Variants in GOSR1 observed in about 807,000 individuals in gnomAD.
The protein encoded by GOSR1 is 28 kDa Golgi SNARE protein.
In GOSR1, 21 loss-of-function variants were observed where a neutral mutation model predicts 35.5. The ratio of observed to expected loss-of-function variants is 0.59; its 90% CI spans 0.42 to 0.85. GOSR1 has a LOEUF of 0.85. GOSR1 is among the 40% of genes least tolerant of loss of function. The pLI, the probability that GOSR1 is intolerant of heterozygous loss-of-function variation, is 0.00. For missense variants in GOSR1, 285 were observed against 309.6 expected (o/e 0.92, Z 0.60); for synonymous variants, 94 against 106.6 (o/e 0.88, Z 0.73).
In GOSR1 at chr17:30,481,232, A is replaced by T. The variant is rs765692418; in HGVS notation, c.121A>T (p.Ser41Cys). ...ACTATGTACAAGTTACAGTCATAGCAGTACCCGAGATGGAAGACGCGACAG... is the reference window on the plus strand; with the variant it reads ...ACTATGTACAAGTTACAGTCATAGCTGTACCCGAGATGGAAGACGCGACAG... The part of the protein sequence containing the change: ...SKLCTSYSHS[S>C]TRDGRRDSSD... Residue 41 changes from serine to cysteine, a missense_variant, in exon 2 of 9, where the codon AGT becomes TGT. Transcript: ENST00000451249. The T allele has an allele frequency of 6.2e-7, 1 of 1,606,742 alleles. No individual in the cohort carries two copies. The highest frequency in any genetic ancestry group is 1.1e-5 in the South Asian group (1 of 90,932).
At chr17:30,480,955 G>A (rs376987628) in intron 1 of GOSR1, 188 bp from the exon 2 acceptor site, 119 of 441,590 alleles carry the variant, frequency 2.7e-4, no homozygotes, top group East Asian at 2.2e-3. Context: ...CAGGTGATCC[G>A]CCCACCTTGG....
intron 6 of GOSR1, among the ~76,000 whole-genome samples, chr17:30,510,363 C>T (rs796406039): frequency 6.6e-6 from 1 of 152,194 alleles, no homozygotes; most frequent in South Asian, 2.1e-4. Context: ...CGTGAGCCAC[C>T]GTGCCTGGTC....
chr17:30,482,638 A>T (rs1010514085), intron 2 of GOSR1, among the ~76,000 whole-genome samples: 3 of 152,162 alleles, frequency 2.0e-5, no homozygotes, highest in African/African-American at 7.2e-5. Flanking sequence ...ACCCTACTAT[A>T]GTGTATACAT....
rs1968147611 is a variant in GOSR1, at chr17:30,524,398, T to C, written c.*2020T>C. 6.6e-6 allele frequency: 1 copy of C among 152,210 alleles called. No homozygotes were observed. The highest frequency in any genetic ancestry group is 1.5e-5 in the Non-Finnish European group (1 of 68,048). 9.4% of individuals were successfully genotyped at this position (152,210 alleles called of 1,614,324 possible). On this transcript the variant is annotated 3_prime_UTR_variant, in exon 9 of 9. Transcript: ENST00000451249. ...AGATGCTGATGGACCAGCTTCAGCA[T>C]GTTTGAGGTTGTCTGAAATGGAGAT... is the stretch of plus-strand genomic sequence containing the variant.
At chr17:30,517,942 T>C (rs1967883257) in intron 7 of GOSR1, among the ~76,000 whole-genome samples, 1 of 152,198 alleles carries the variant, frequency 6.6e-6, no homozygotes, top group African/African-American at 2.4e-5. Flanking sequence ...GATCCAGCTA[T>C]GAGAGCCTCT....
intron 6 of GOSR1, among the ~76,000 whole-genome samples, chr17:30,494,690 C>G (rs1277926787): frequency 2.0e-5 from 3 of 151,636 alleles, no homozygotes; most frequent in Non-Finnish European, 4.4e-5. Context: ...TCACTGTGCC[C>G]TCTGCCTCCT....
chr17:30,495,943 G>C (rs1966982718), intron 6 of GOSR1, among the ~76,000 whole-genome samples: 1 of 152,112 alleles, frequency 6.6e-6, no homozygotes, highest in Non-Finnish European at 1.5e-5. Context: ...CCTTTTGCTT[G>C]CCTAGCCCTG....
chr17:30,482,757 A>G (rs1035093507), intron 2 of GOSR1: 9 of 152,224 alleles, frequency 5.9e-5, no homozygotes, highest in African/African-American at 2.2e-4. Context: ...GGATCTAAAA[A>G]TAAATTACTA....
chr17:30,492,768 T>G lies in GOSR1; in HGVS notation c.509+15T>G. The G allele has an allele frequency of 7.1e-7, 1 of 1,400,982 alleles. No homozygotes were observed. Among genetic ancestry groups the G allele is most frequent in the Non-Finnish European group, 1.0e-6 (1 of 987,152 alleles). The allele number at this position is 1,400,982 out of a possible 1,614,324, so 86.8% of individuals were successfully genotyped here. A position where few individuals can be genotyped will look rare whatever the true frequency, so the allele number is the denominator to read the frequency against. On this transcript the variant is annotated intron_variant, in intron 6 of 8. Coordinates refer to ENST00000451249, the MANE Select transcript of GOSR1 (RefSeq NM_001007025.2). ...CACCTTCGAAAGTAGGTATTGAATGTATGTGCATTATGTGGTTTTCCACGT... is the reference window on the plus strand; with the variant it reads ...CACCTTCGAAAGTAGGTATTGAATGGATGTGCATTATGTGGTTTTCCACGT...
intron 4 of GOSR1, among the ~76,000 whole-genome samples, chr17:30,487,760 T>A (rs919367988): frequency 6.6e-5 from 10 of 152,108 alleles, no homozygotes; most frequent in Non-Finnish European, 1.5e-4. Context: ...GATTCTTTGA[T>A]CCAGTTATTC....
At chr17:30,505,432 C>G (rs1567910210) in intron 6 of GOSR1, among the ~76,000 whole-genome samples, 1 of 152,108 alleles carries the variant, frequency 6.6e-6, no homozygotes, top group Non-Finnish European at 1.5e-5. Context: ...AAAGAAATCT[C>G]ATGTACAGGC....
At chr17:30,481,908 T>G (rs901588465) in intron 2 of GOSR1, among the ~76,000 whole-genome samples, 19 of 152,028 alleles carry the variant, frequency 1.2e-4, no homozygotes, top group Admixed American at 1.2e-3. Context: ...GGCGGATGGA[T>G]CACTTGAGCC....
intron 1 of GOSR1, chr17:30,479,886 G>A (rs1208109594): frequency 1.3e-5 from 2 of 152,194 alleles, no homozygotes; most frequent in African/African-American, 4.8e-5. Flanking sequence ...GGAGGCCCAG[G>A]CAGGAGGGTC....
At chr17:30,517,818 C>T (rs1597799403) in intron 7 of GOSR1, among the ~76,000 whole-genome samples, 1 of 152,126 alleles carries the variant, frequency 6.6e-6, no homozygotes, top group African/African-American at 2.4e-5. Context: ...AGTTTTGATT[C>T]ATGTGTCATT....
intron 7 of GOSR1, among the ~76,000 whole-genome samples, chr17:30,516,306 T>C (rs1475933120): frequency 6.6e-6 from 1 of 151,806 alleles, no homozygotes; most frequent in South Asian, 2.1e-4. Flanking sequence ...CCGTCTCTAC[T>C]AAAAATACAA....
At chr17:30,502,531 A>G (rs564363636) in intron 6 of GOSR1, among the ~76,000 whole-genome samples, 133 of 152,344 alleles carry the variant, frequency 8.7e-4, no homozygotes, top group African/African-American at 3.1e-3. Flanking sequence ...CTAGGATCTC[A>G]CTGCTAATGA....
chr17:30,493,207 G>A (rs551977334), intron 6 of GOSR1, among the ~76,000 whole-genome samples: 5 of 152,032 alleles, frequency 3.3e-5, no homozygotes, highest in Non-Finnish European at 5.9e-5. Context: ...ATGTAGCCAG[G>A]ATGGTCTCCA....
intron 6 of GOSR1, among the ~76,000 whole-genome samples, chr17:30,503,143 G>A (rs555518710): frequency 6.6e-6 from 1 of 152,286 alleles, no homozygotes; most frequent in South Asian, 2.1e-4. Context: ...TTTAAAAGAG[G>A]AAGAAGATAC....
At chr17:30,477,788 G>T in intron 1 of GOSR1, 1 of 985,296 alleles carries the variant, frequency 1.0e-6, no homozygotes, top group Non-Finnish European at 1.2e-6. Context: ...AAGGGGCTTG[G>T]GGTACGAACT....
Sources: allele counts gnomAD v4.1 joint callset (sites outside exome capture counted in the v4.1 genomes callset), GRCh38; gene constraint gnomAD v4.1.1; transcripts MANE v1.5; gene names NCBI Gene and HGNC (gene_info 2026-07-23, HGNC 2026-07-21).